The following MAML3 variants were observed in gnomAD, a reference collection of about 807,000 sequenced individuals.
The protein encoded by MAML3 is mastermind like transcriptional coactivator 3.
In MAML3, 27 loss-of-function variants were observed where a neutral mutation model predicts 101.9. The observed-to-expected ratio is 0.27, with a 90% confidence interval of 0.20 to 0.37. The LOEUF is 0.37. MAML3 is among the 10% of genes least tolerant of loss of function. MAML3 has a pLI of 1.00. For synonymous variants in MAML3, 501 were observed against 555.9 expected, an observed-to-expected ratio of 0.90 and a Z score of 1.39; for missense variants, 1,316 against 1,444.9, an observed-to-expected ratio of 0.91 and a Z score of 1.45.
intron 2 of MAML3, among the ~76,000 whole-genome samples, chr4:139,754,547 T>C (rs1729603696): frequency 6.6e-6 from 1 of 152,258 alleles, no homozygotes; most frequent in African/African-American, 2.4e-5. Flanking sequence ...TATGCTGAAA[T>C]GAACATTCTT....
chr4:140,011,438 G>A (rs1445818899), intron 1 of MAML3, among the ~76,000 whole-genome samples: 9 of 140,828 alleles, frequency 6.4e-5, no homozygotes, highest in African/African-American at 1.5e-4. Flanking sequence ...TCCGCTTCCC[G>A]GGTTCACGCC....
At chr4:139,845,328 G>T (rs1452827204) in intron 2 of MAML3, among the ~76,000 whole-genome samples, 1 of 152,110 alleles carries the variant, frequency 6.6e-6, no homozygotes, top group African/African-American at 2.4e-5. Flanking sequence ...CATGGGAAAA[G>T]GTATATTCAT....
At chr4:140,079,669 T>G (rs1242169871) in intron 1 of MAML3, among the ~76,000 whole-genome samples, 1 of 152,108 alleles carries the variant, frequency 6.6e-6, no homozygotes, top group African/African-American at 2.4e-5. Flanking sequence ...CCCCCAAAAA[T>G]CCTAAGAATA....
chr4:139,780,073 C>A (rs871304), intron 2 of MAML3, among the ~76,000 whole-genome samples: 2 of 152,146 alleles, frequency 1.3e-5, no homozygotes, highest in East Asian at 1.9e-4. Flanking sequence ...CCATGCTGTC[C>A]GAGGCGGTAC....
intron 2 of MAML3, among the ~76,000 whole-genome samples, chr4:139,798,714 TACAGATGGTAG>T (rs1730558352): frequency 6.6e-6 from 1 of 152,198 alleles, no homozygotes; most frequent in African/African-American, 2.4e-5. Flanking sequence ...TTCCTCCTAG[TACAGATGGTAG>T]AAACCCTCAG....
intron 2 of MAML3, among the ~76,000 whole-genome samples, chr4:139,815,900 C>T (rs1164312440): frequency 1.3e-5 from 2 of 152,026 alleles, no homozygotes; most frequent in East Asian, 3.9e-4. Flanking sequence ...CGACGATGAG[C>T]ATAATAAATA....
chr4:139,818,266 A>C (rs905511205), intron 2 of MAML3, among the ~76,000 whole-genome samples: 1 of 152,178 alleles, frequency 6.6e-6, no homozygotes, highest in African/African-American at 2.4e-5. Context: ...GGCTGTCTAC[A>C]CATTTCCTTC....
At chr4:140,104,389 T>TATATA (rs1728307239) in intron 1 of MAML3, among the ~76,000 whole-genome samples, 1 of 58,852 alleles carries the variant, frequency 1.7e-5, no homozygotes, top group African/African-American at 4.1e-5. Context: ...ATATATATAT[T>TATATA]ATATATTATA....
At chr4:139,903,857 C>T (rs963981231) in intron 1 of MAML3, among the ~76,000 whole-genome samples, 13 of 152,052 alleles carry the variant, frequency 8.5e-5, no homozygotes, top group African/African-American at 1.9e-4. Context: ...TGTTGGTGAA[C>T]GGCCATTACT....
chr4:139,833,512 C>T (rs1242028462), intron 2 of MAML3, among the ~76,000 whole-genome samples: 1 of 151,522 alleles, frequency 6.6e-6, no homozygotes. Flanking sequence ...AGGGGGGCAG[C>T]CAAGGGGAAA....
chr4:140,011,355 T>TTTTGG (rs1204055460), intron 1 of MAML3, among the ~76,000 whole-genome samples: 1 of 136,256 alleles, frequency 7.3e-6, no homozygotes, highest in Non-Finnish European at 1.6e-5. Flanking sequence ...TTTTTTTTTT[T>TTTTGG]GAGACGGAGT....
chr4:139,775,875 T>A (rs1294922566), intron 2 of MAML3, among the ~76,000 whole-genome samples: 1 of 152,182 alleles, frequency 6.6e-6, no homozygotes, highest in Non-Finnish European at 1.5e-5. Context: ...CATTTTATGG[T>A]TCCGACTGCT....
chr4:139,844,744 C>T (rs1360050242), intron 2 of MAML3, among the ~76,000 whole-genome samples: 1 of 152,166 alleles, frequency 6.6e-6, no homozygotes, highest in African/African-American at 2.4e-5. Flanking sequence ...TGGGCAGCTG[C>T]CCAAATTTTC....
chr4:139,833,428 G>A (rs985202513), intron 2 of MAML3, among the ~76,000 whole-genome samples: 13 of 152,156 alleles, frequency 8.5e-5, no homozygotes, highest in African/African-American at 3.1e-4. Flanking sequence ...ATTCTCCAGT[G>A]AACCGTAAAA....
rs551812746 is a variant in MAML3, at chr4:139,864,406, C to T, written c.2079+24951G>A. ...ATAAAAATCTTTCATGGGCCAGGTG[C>T]GGCGGCTCACGCCTGTAATCCCAGC... On this transcript the variant is annotated intron_variant, in intron 2 of 4. Transcript: ENST00000509479. Among the ~76,000 whole-genome samples the T allele has an allele frequency of 8.5e-5, 13 of 152,204 alleles. No individual in the cohort carries two copies. The East Asian group carries it at 2.3e-3, about 27-fold the overall frequency.
chr4:139,956,548 A>T (rs566582542), intron 1 of MAML3, among the ~76,000 whole-genome samples: 40 of 152,336 alleles, frequency 2.6e-4, no homozygotes, highest in Non-Finnish European at 4.9e-4. Context: ...GAAAGGAAAA[A>T]TAGAGTCCCC....
chr4:140,074,668 T>C (rs1727736781), intron 1 of MAML3, among the ~76,000 whole-genome samples: 1 of 152,146 alleles, frequency 6.6e-6, no homozygotes, highest in Non-Finnish European at 1.5e-5. Context: ...ATTCATAGTA[T>C]GTCATATTTT....
At chr4:139,809,241 A>G (rs1000124724) in intron 2 of MAML3, among the ~76,000 whole-genome samples, 1 of 152,216 alleles carries the variant, frequency 6.6e-6, no homozygotes, top group East Asian at 1.9e-4. Flanking sequence ...AACTTAAGGT[A>G]GGCAAAGACT....
rs577455478 is a variant in MAML3, at chr4:139,972,366, G to A, written c.469-81399C>T. 1.2e-4 allele frequency among the ~76,000 whole-genome samples: 18 copies of A among 152,260 alleles called. No individual in the cohort carries two copies. In the East Asian group the frequency reaches 3.1e-3, roughly 26 times the overall value. On this transcript the variant is annotated intron_variant, in intron 1 of 4. Transcript: ENST00000509479. ...ATATATCCAATCCTTTGTTCAAAAT[G>A]TCCTTGAAGTTCAACTTTGAAATGA...
Sources: allele counts gnomAD v4.1 joint callset (sites outside exome capture counted in the v4.1 genomes callset), GRCh38; gene constraint gnomAD v4.1.1; transcripts MANE v1.5; gene names NCBI Gene and HGNC (gene_info 2026-07-23, HGNC 2026-07-21).